The following PRELID2 variants were observed in gnomAD, a reference collection of about 807,000 sequenced individuals.
PRELID2 encodes PRELI domain containing 2, also known as PRELI domain-containing protein 2.
Under a neutral mutation model 28.4 loss-of-function variants are expected in PRELID2, and 25 were observed. That is an observed-to-expected ratio of 0.88 (90% CI 0.64 to 1.23). The LOEUF (loss-of-function observed/expected upper bound fraction) is 1.23. Among genes scored for constraint, PRELID2 ranks in the 50% most tolerant of loss-of-function variants. PRELID2 has a pLI of 0.00. For missense variants in PRELID2, 201 were observed against 214.4 expected, an observed-to-expected ratio of 0.94 and a Z score of 0.39; for synonymous variants, 76 against 71.6, an observed-to-expected ratio of 1.06 and a Z score of -0.31.
chr5:145,229,953 C>G, the PRELID2 span: 1 of 746,910 alleles, frequency 1.3e-6, no homozygotes, highest in South Asian at 1.4e-5. Flanking sequence ...CGTGAACGTG[C>G]AGGGTGATTA....
intron 1 of PRELID2, among the ~76,000 whole-genome samples, chr5:145,598,973 A>C (rs75212378): frequency 0.012 from 1,794 of 152,260 alleles, 16 homozygotes; most frequent in South Asian, 0.034. Flanking sequence ...TTTCAAAGGC[A>C]ACATGGTTTT....
chr5:145,658,096 C>T (rs1754426773), intron 1 of PRELID2, among the ~76,000 whole-genome samples: 1 of 152,138 alleles, frequency 6.6e-6, no homozygotes, highest in Admixed American at 6.5e-5. Context: ...GGCACTGAGG[C>T]TACAATAGTG....
intron 1 of PRELID2, among the ~76,000 whole-genome samples, chr5:145,685,558 C>T (rs1561543804): frequency 6.6e-6 from 1 of 152,168 alleles, no homozygotes; most frequent in African/African-American, 2.4e-5. Context: ...ACCCTCAACA[C>T]TCATTACAAA....
At chr5:145,458,360 G>A in the PRELID2 span, among the ~76,000 whole-genome samples, 158 of 152,182 alleles carry the variant, frequency 1.0e-3, no homozygotes, top group African/African-American at 3.7e-3. Context: ...TTAATAAAAC[G>A]GGAAAATTTC....
chr5:145,336,752 C>T, the PRELID2 span, among the ~76,000 whole-genome samples: 4 of 151,822 alleles, frequency 2.6e-5, no homozygotes, highest in Non-Finnish European at 5.9e-5. Context: ...GGAAATGTGG[C>T]ACATATACAC....
the PRELID2 span, among the ~76,000 whole-genome samples, chr5:145,346,761 A>C: frequency 6.6e-6 from 1 of 152,150 alleles, no homozygotes; most frequent in African/African-American, 2.4e-5. Flanking sequence ...ATGGAGAAAG[A>C]AGCTGATTTT....
At chr5:145,463,299 G>T in the PRELID2 span, among the ~76,000 whole-genome samples, 1 of 148,862 alleles carries the variant, frequency 6.7e-6, no homozygotes, top group African/African-American at 2.5e-5. Flanking sequence ...GTTTCAAAAG[G>T]ATGTCTCCTA....
At position 145,817,945 on chromosome 5, in the gene PRELID2, G is replaced by A; in HGVS notation, c.317C>T (p.Ala106Val). The A allele has an allele frequency of 6.3e-7, 1 of 1,595,628 alleles. No individual in the cohort carries two copies. Among genetic ancestry groups the A allele is most frequent in the Non-Finnish European group, 8.5e-7 (1 of 1,172,904 alleles). The change falls in exon 4 of 7, where the codon GCA becomes GTA. Residue 106 changes from alanine (A) to valine (V), a missense_variant. Physicochemically the swap from Ala to Val is moderately conservative, Grantham distance 64 (BLOSUM62 0). Transcript: ENST00000683046. ...GAAGACAGACTCTTCCTTCATGGAT[G>A]CATACTGTGTCCACGTAAGGCAGTG... Reference protein sequence around the residue: ...RSHCLTWTQYASMKEESVFRE... With the variant: ...RSHCLTWTQYVSMKEESVFRE...
the PRELID2 span, among the ~76,000 whole-genome samples, chr5:145,406,184 A>G: frequency 2.0e-5 from 3 of 152,122 alleles, no homozygotes; most frequent in African/African-American, 7.2e-5. Flanking sequence ...TTAGGGGGGG[A>G]AACAGATCCA....
At chr5:145,668,359 G>A (rs1414382432) in intron 1 of PRELID2, among the ~76,000 whole-genome samples, 1 of 143,930 alleles carries the variant, frequency 6.9e-6, no homozygotes, top group East Asian at 2.0e-4. Flanking sequence ...GGATTATGAA[G>A]GTGGTTAAAA....
intron 1 of PRELID2, among the ~76,000 whole-genome samples, chr5:145,565,328 G>A (rs1232170308): frequency 1.3e-5 from 2 of 152,196 alleles, no homozygotes; most frequent in Admixed American, 1.3e-4. Flanking sequence ...GATTTGCCCT[G>A]TTATTGTTTT....
intron 1 of PRELID2, among the ~76,000 whole-genome samples, chr5:145,496,827 C>A (rs1268305379): frequency 6.6e-6 from 1 of 152,024 alleles, no homozygotes; most frequent in Non-Finnish European, 1.5e-5. Context: ...TTGGTGTCTG[C>A]TTTTCATGCT....
chr5:145,417,924 G>A, the PRELID2 span, among the ~76,000 whole-genome samples: 1 of 152,112 alleles, frequency 6.6e-6, no homozygotes, highest in East Asian at 1.9e-4. Flanking sequence ...AAGAAATAAA[G>A]GGTATTCAAA....
intron 1 of PRELID2, among the ~76,000 whole-genome samples, chr5:145,742,612 G>C (rs183435580): frequency 2.5e-3 from 369 of 146,258 alleles, no homozygotes; most frequent in Middle Eastern, 0.011. Context: ...CAGTTAGAAA[G>C]AGAATTTATA....
intron 1 of PRELID2, among the ~76,000 whole-genome samples, chr5:145,656,000 C>T (rs956291158): frequency 7.9e-5 from 12 of 152,294 alleles, no homozygotes; most frequent in African/African-American, 1.9e-4. Context: ...GCAATCTACT[C>T]ATCTGACAAA....
At chr5:145,252,111 C>T in the PRELID2 span, among the ~76,000 whole-genome samples, 176 of 152,226 alleles carry the variant, frequency 1.2e-3, no homozygotes, top group Non-Finnish European at 1.9e-3. Flanking sequence ...TGGCCAGAAA[C>T]ATTGGCATCA....
the PRELID2 span, chr5:145,229,905 G>C: frequency 1.3e-6 from 1 of 750,052 alleles, no homozygotes; most frequent in Non-Finnish European, 2.5e-6. Context: ...CCTTGGCTGG[G>C]AGTCCCCACT....
chr5:145,735,261 A>G (rs1046617451), intron 1 of PRELID2, among the ~76,000 whole-genome samples: 26 of 149,452 alleles, frequency 1.7e-4, no homozygotes, highest in Admixed American at 1.6e-3. Flanking sequence ...AAAAAAAAAA[A>G]GCTACAATTA....
At chr5:145,584,352 C>T (rs1308746863) in intron 1 of PRELID2, among the ~76,000 whole-genome samples, 1 of 151,954 alleles carries the variant, frequency 6.6e-6, no homozygotes, top group African/African-American at 2.4e-5. Flanking sequence ...GAAAATCTAG[C>T]TAATACCATT....
Sources: gnomAD v4.1 joint callset for allele counts (sites outside exome capture counted in the v4.1 genomes callset) on GRCh38, gnomAD v4.1.1 for gene constraint, MANE v1.5 for transcripts, NCBI Gene and HGNC (gene_info 2026-07-23, HGNC 2026-07-21) for gene names.